Variants in ERG observed in about 807,000 individuals in gnomAD.
ERG encodes ETS transcription factor ERG.
A neutral mutation model predicts 55.3 loss-of-function variants in ERG; 9 were observed. The observed-to-expected ratio is 0.16, with a 90% CI of 0.10 to 0.28. The LOEUF is 0.28. Ranked by LOEUF, ERG falls within the 10% of genes least tolerant of loss-of-function variation. The pLI is 1.00. For synonymous variants in ERG, 223 were observed against 237.3 expected (o/e 0.94, Z 0.55); for missense variants, 434 against 631.6 (o/e 0.69, Z 3.35).
At chr21:38,502,827 T>A (rs534377038), upstream of ERG, among the ~76,000 whole-genome samples, 1 of 151,520 alleles carries the variant, frequency 6.6e-6, no homozygotes, top group Non-Finnish European at 1.5e-5. Flanking sequence ...CCTGGGCTCA[T>A]GCCATTCTCC....
At chr21:38,407,063 TACAACAATACAAC>T (rs1988807205) in intron 3 of ERG, among the ~76,000 whole-genome samples, 1 of 152,318 alleles carries the variant, frequency 6.6e-6, no homozygotes, top group East Asian at 1.9e-4. Context: ...AACACAATAA[TACAACAATACAAC>T]ACAACAATAC....
chr21:38,397,596 C>CAAAAAAAAA (rs61047146), intron 6 of ERG, among the ~76,000 whole-genome samples: 4 of 67,124 alleles, frequency 6.0e-5, no homozygotes, highest in Admixed American at 1.9e-4. Context: ...GACTCCATCT[C>CAAAAAAAAA]AAAAAAAAAA....
chr21:38,623,818 C>T (rs2060308254), intron 1 of ERG, among the ~76,000 whole-genome samples: 1 of 152,192 alleles, frequency 6.6e-6, no homozygotes, highest in Non-Finnish European at 1.5e-5. Context: ...TGGGGAGCAT[C>T]ATTCCATAAA....
At position 38,468,991 on chromosome 21, in the gene ERG, AAAAAAAAAAAG is replaced by A. The variant is rs1334207662; in HGVS notation, c.19-23381_19-23371del. On this transcript the variant is annotated intron_variant, in intron 1 of 9. Coordinates refer to ENST00000288319, the MANE Select transcript of ERG (RefSeq NM_182918.4). ...CAGCCAGACTCTGTCTCAAAAAAAA[AAAAAAAAAAAG>A]AAAAAAAAAAAAGAAAATGTGGCTT... 6.6e-3 allele frequency among the ~76,000 whole-genome samples: 482 copies of A among 72,742 alleles called. 5 individuals are homozygous for A. Among genetic ancestry groups the A allele is most frequent in the South Asian group, 0.018 (37 of 2,030 alleles). The allele number at this position is 72,742 out of a possible 152,430, so 47.7% of individuals were successfully genotyped here.
chr21:38,611,535 G>A (rs1355374485), intron 1 of ERG, among the ~76,000 whole-genome samples: 1 of 152,090 alleles, frequency 6.6e-6, no homozygotes, highest in African/African-American at 2.4e-5. Context: ...CATGTGTCTG[G>A]AATGTTCTTC....
At chr21:38,591,613 A>C (rs1444455689) in intron 1 of ERG, among the ~76,000 whole-genome samples, 2 of 152,212 alleles carry the variant, frequency 1.3e-5, no homozygotes, top group Non-Finnish European at 2.9e-5. Context: ...AATCACTTGA[A>C]TCCAGGAGGC....
At chr21:38,436,893 T>TTC (rs2058795925) in intron 2 of ERG, among the ~76,000 whole-genome samples, 2 of 125,280 alleles carry the variant, frequency 1.6e-5, no homozygotes, top group Admixed American at 8.7e-5. Context: ...TTTTTTTTCT[T>TTC]TCTCTCTTTT....
chr21:38,618,275 T>A (rs552344546), intron 1 of ERG, among the ~76,000 whole-genome samples: 2 of 152,124 alleles, frequency 1.3e-5, no homozygotes, highest in South Asian at 4.1e-4. Context: ...GGGCAGATGA[T>A]CATCTCGGAA....
chr21:38,406,012 G>A (rs1448341796), intron 3 of ERG, among the ~76,000 whole-genome samples: 29 of 151,868 alleles, frequency 1.9e-4, no homozygotes, highest in Admixed American at 1.7e-3. Context: ...AAAATTAGTC[G>A]GGCATGGTGG....
Position 38,402,582 on chromosome 21 carries a change from T to C in ERG, c.648A>G (p.Pro216=), listed in dbSNP as rs1292910603. 18 of 1,610,612 alleles carry C rather than the reference T, an allele frequency of 1.1e-5. No individual in the cohort carries two copies. The highest frequency in any genetic ancestry group is 4.4e-5 in the South Asian group (4 of 90,714). Residue 216 remains proline, a synonymous_variant, in exon 5 of 10, where the codon CCA becomes CCG. Coordinates refer to ENST00000288319, the MANE Select transcript of ERG (RefSeq NM_182918.4). ...DDVDKALQNS[P]RLMHARNTGG... ...CTGTGTTTCTAGCATGCATTAACCG[T>C]GGAGAGTTTTGTAAGGCTTTATCAA...
At chr21:38,612,285 T>C (rs1039309122) in intron 1 of ERG, among the ~76,000 whole-genome samples, 1 of 152,258 alleles carries the variant, frequency 6.6e-6, no homozygotes, top group Non-Finnish European at 1.5e-5. Context: ...ACATTAATTT[T>C]ACCTTTCTTC....
At chr21:38,554,862 T>C (rs2059848138) in intron 2 of ERG, among the ~76,000 whole-genome samples, 1 of 151,500 alleles carries the variant, frequency 6.6e-6, no homozygotes, top group South Asian at 2.1e-4. Context: ...TAAATCCCTA[T>C]CTCACATTAT....
the ERG span, among the ~76,000 whole-genome samples, chr21:38,374,366 T>C: frequency 6.6e-6 from 1 of 152,184 alleles, no homozygotes; most frequent in African/African-American, 2.4e-5. Context: ...TTGGTAAAGA[T>C]TAATTGACAA....
chr21:38,508,930 C>T (rs7277942), intron 2 of ERG, among the ~76,000 whole-genome samples: 32,759 of 152,090 alleles, frequency 0.22, 3,782 homozygotes, highest in African/African-American at 0.3. Flanking sequence ...ACCTCAGCCA[C>T]CATACGGGGA....
At chr21:38,468,102 T>C (rs2059106308) in intron 1 of ERG, among the ~76,000 whole-genome samples, 1 of 152,190 alleles carries the variant, frequency 6.6e-6, no homozygotes, top group Non-Finnish European at 1.5e-5. Flanking sequence ...GGTGACGTGT[T>C]AGTGCTTCAA....
chr21:38,371,867 A>T, the ERG span, among the ~76,000 whole-genome samples: 1 of 152,078 alleles, frequency 6.6e-6, no homozygotes, highest in African/African-American at 2.4e-5. Flanking sequence ...TACAAATTTT[A>T]AAAATTTTAT....
At chr21:38,582,518 A>G (rs2146878649) in intron 1 of ERG, among the ~76,000 whole-genome samples, 1 of 152,352 alleles carries the variant, frequency 6.6e-6, no homozygotes, top group Non-Finnish European at 1.5e-5. Context: ...GTGTCAGTGC[A>G]AGAGTTGGCC....
intron 1 of ERG, among the ~76,000 whole-genome samples, chr21:38,615,684 T>C (rs978027863): frequency 4.6e-5 from 7 of 150,782 alleles, no homozygotes; most frequent in African/African-American, 1.7e-4. Context: ...ATTAGAGTGA[T>C]TATTATTTAG....
At chr21:38,659,229 T>C (rs951966403) in intron 1 of ERG, among the ~76,000 whole-genome samples, 2 of 152,240 alleles carry the variant, frequency 1.3e-5, no homozygotes, top group Admixed American at 6.5e-5. Flanking sequence ...AAAGCCTTTC[T>C]TGAGAATTGT....
Sources: gnomAD v4.1 joint callset for allele counts (sites outside exome capture counted in the v4.1 genomes callset) on GRCh38, gnomAD v4.1.1 for gene constraint, MANE v1.5 for transcripts, NCBI Gene and HGNC (gene_info 2026-07-23, HGNC 2026-07-21) for gene names.